The following MYO9B variants were observed in gnomAD, a reference collection of about 807,000 sequenced individuals.
MYO9B encodes myosin IXB, also known as unconventional myosin-IXb.
MYO9B carries 71 observed loss-of-function variants against 229.5 expected under a neutral mutation model. That is an observed-to-expected ratio of 0.31 (90% CI 0.26 to 0.38). The LOEUF (loss-of-function observed/expected upper bound fraction) is 0.38, where lower values mean the gene tolerates loss of function less well. MYO9B is among the 10% of genes least tolerant of loss of function. The pLI is 1.00. For missense variants in MYO9B, 2,255 were observed against 2,920.5 expected (o/e 0.77, Z 5.25); for synonymous variants, 1,185 against 1,235.8 (o/e 0.96, Z 0.86).
intron 24 of MYO9B, 31 bp from the exon 25 acceptor site, chr19:17,200,262 C>T (rs375463205): frequency 2.5e-6 from 4 of 1,595,132 alleles, no homozygotes; most frequent in Admixed American, 1.8e-5. Flanking sequence ...TCATTTCAGA[C>T]TTAAAAGAAG....
intron 2 of MYO9B, among the ~76,000 whole-genome samples, chr19:17,113,855 A>G (rs1465995137): frequency 2.6e-5 from 4 of 152,184 alleles, no homozygotes; most frequent in Admixed American, 6.5e-5. Flanking sequence ...AGAGGCGACG[A>G]GAAAGCAGAA....
At chr19:17,186,081 A>ATACTGCGTGGAGGCTGGGGCT in intron 18 of MYO9B, 80 bp downstream of exon 18, 2 of 1,295,166 alleles carry the variant, frequency 1.5e-6, no homozygotes, top group Non-Finnish European at 2.2e-6. Flanking sequence ...ATCCAGCCCC[A>ATACTGCGTGGAGGCTGGGGCT]GCCTCCACGC....
At chr19:17,187,189 G>C (rs746119973) in intron 18 of MYO9B, among the ~76,000 whole-genome samples, 21 of 152,130 alleles carry the variant, frequency 1.4e-4, no homozygotes, top group Non-Finnish European at 1.6e-4. Context: ...TCAGACCCTT[G>C]GCTTCTTCCT....
intron 3 of MYO9B, among the ~76,000 whole-genome samples, chr19:17,147,833 C>G (rs2072432381): frequency 6.6e-6 from 1 of 151,532 alleles, no homozygotes; most frequent in East Asian, 2.0e-4. Context: ...CAGGCATGCG[C>G]CACCACACCT....
chr19:17,092,856 CAT>C (rs1332634395), intron 1 of MYO9B, among the ~76,000 whole-genome samples: 16 of 152,124 alleles, frequency 1.1e-4, no homozygotes, highest in African/African-American at 1.7e-4. Flanking sequence ...ATAGTGTGTC[CAT>C]GTGTGTGCTG....
chr19:17,206,305 A>G lies in MYO9B; in HGVS notation c.5315A>G (p.Lys1772Arg), dbSNP rs753107904. The G allele has an allele frequency of 3.1e-6, 5 of 1,592,144 alleles. No homozygotes were observed. The highest frequency in any genetic ancestry group is 4.3e-6 in the Non-Finnish European group (5 of 1,169,108). ...ATCCACGCCATCACAGGGGTGCTGAAGCAGTGGCTGCGGGAGCTGCCCGAG... is the reference window on the plus strand; with the variant it reads ...ATCCACGCCATCACAGGGGTGCTGAGGCAGTGGCTGCGGGAGCTGCCCGAG... ...FPIHAITGVL[K>R]QWLRELPEPL... is the part of the protein sequence containing the mutation. Residue 1772 changes from lysine (K) to arginine (R), a missense_variant, in exon 33 of 40, where the codon AAG becomes AGG. By Grantham distance (26) the Lys-to-Arg change is conservative (BLOSUM62 2). Coordinates refer to ENST00000682292, the MANE Select transcript of MYO9B (RefSeq NM_004145.4).
intron 2 of MYO9B, among the ~76,000 whole-genome samples, chr19:17,125,588 T>G (rs1599348550): frequency 6.6e-6 from 1 of 152,120 alleles, no homozygotes; most frequent in East Asian, 1.9e-4. Context: ...ATGGTAGGAG[T>G]CTGTCCTTAA....
At chr19:17,078,202 C>T (rs913293190) in intron 1 of MYO9B, among the ~76,000 whole-genome samples, 14 of 152,132 alleles carry the variant, frequency 9.2e-5, no homozygotes, top group Non-Finnish European at 1.9e-4. Flanking sequence ...ACCCAGAGGA[C>T]GGACACGCTA....
At chr19:17,114,006 T>C (rs1437728339) in intron 2 of MYO9B, among the ~76,000 whole-genome samples, 1 of 152,060 alleles carries the variant, frequency 6.6e-6, no homozygotes, top group Non-Finnish European at 1.5e-5. Context: ...GGCCAGGCCA[T>C]CCTGTGCATC....
rs184165072 is a variant in MYO9B at position 17,197,871 on chromosome 19, C to G, written c.4113+13C>G. The G allele has an allele frequency of 6.2e-7, 1 of 1,612,304 alleles. No homozygotes were observed. Among genetic ancestry groups the G allele is most frequent in the East Asian group, 2.2e-5 (1 of 44,886 alleles). ...GGCCAAGGCTCAGGTAACAACAACA[C>G]GGCAAAACCCCGTCTCCACTAAAAA... On this transcript the variant is annotated intron_variant, in intron 23 of 39. Coordinates refer to ENST00000682292, the MANE Select transcript of MYO9B (RefSeq NM_004145.4).
At chr19:17,131,884 G>A (rs1362075731) in intron 2 of MYO9B, among the ~76,000 whole-genome samples, 1 of 151,694 alleles carries the variant, frequency 6.6e-6, no homozygotes, top group African/African-American at 2.4e-5. Flanking sequence ...TAATTTTTTT[G>A]GGGGGTGGGG....
At chr19:17,133,398 T>C (rs968714452) in intron 2 of MYO9B, among the ~76,000 whole-genome samples, 3 of 152,196 alleles carry the variant, frequency 2.0e-5, no homozygotes, top group Non-Finnish European at 4.4e-5. Flanking sequence ...TTGAAATTTA[T>C]ATCCTTTGAC....
At chr19:17,150,096 G>T (rs1437377660) in intron 3 of MYO9B, among the ~76,000 whole-genome samples, 1 of 152,188 alleles carries the variant, frequency 6.6e-6, no homozygotes, top group Non-Finnish European at 1.5e-5. Flanking sequence ...GTGTGTCCCT[G>T]TGTGAGCCTG....
intron 2 of MYO9B, among the ~76,000 whole-genome samples, chr19:17,112,772 G>A (rs891105417): frequency 1.3e-5 from 2 of 152,232 alleles, no homozygotes; most frequent in African/African-American, 2.4e-5. Flanking sequence ...CCATCCTGTC[G>A]CATGACCCAG....
Position 17,210,703 on chromosome 19 carries a change from T to C in MYO9B, c.5797-12T>C. 6.5e-7 allele frequency: 1 copy of C among 1,530,290 alleles called. No individual in the cohort carries two copies. The highest frequency in any genetic ancestry group is 8.8e-7 in the Non-Finnish European group (1 of 1,137,384). 94.8% of individuals were successfully genotyped at this position (1,530,290 alleles called of 1,614,324 possible). ...AGAGATGTCAGTGGGACCCCTTGCT[T>C]CTTTGTTTCAGAACAAGAGCCCCAA... On this transcript the variant is annotated splice_polypyrimidine_tract_variant and intron_variant, in intron 37 of 39. Transcript: ENST00000682292.
At chr19:17,141,121 T>A (rs1190409941) in intron 2 of MYO9B, among the ~76,000 whole-genome samples, 3 of 139,356 alleles carry the variant, frequency 2.2e-5, no homozygotes, top group African/African-American at 8.1e-5. Context: ...AAAAAAAAAA[T>A]TGTGTGAGGG....
chr19:17,167,558 C>T (rs1434316136), intron 10 of MYO9B, among the ~76,000 whole-genome samples: 2 of 149,602 alleles, frequency 1.3e-5, no homozygotes, highest in East Asian at 3.9e-4. Flanking sequence ...TGGCTCACTG[C>T]AACCTCCACT....
intron 2 of MYO9B, among the ~76,000 whole-genome samples, chr19:17,111,596 T>C (rs1426311970): frequency 1.3e-5 from 2 of 152,178 alleles, no homozygotes; most frequent in Non-Finnish European, 2.9e-5. Flanking sequence ...CTAATTTTTT[T>C]ATTTTTTGTA....
intron 17 of MYO9B, among the ~76,000 whole-genome samples, chr19:17,185,670 G>T (rs1287228641): frequency 6.6e-6 from 1 of 152,140 alleles, no homozygotes; most frequent in Non-Finnish European, 1.5e-5. Flanking sequence ...CCTTCCACCT[G>T]AGGCAAAAAC....
Sources: gnomAD v4.1 joint callset for allele counts (sites outside exome capture counted in the v4.1 genomes callset) on GRCh38, gnomAD v4.1.1 for gene constraint, MANE v1.5 for transcripts, NCBI Gene and HGNC (gene_info 2026-07-23, HGNC 2026-07-21) for gene names.